The following HSD17B12 variants were observed in gnomAD, a reference collection of about 807,000 sequenced individuals.
HSD17B12 encodes the protein very-long-chain 3-oxoacyl-CoA reductase.
A neutral mutation model predicts 39.3 loss-of-function variants in HSD17B12; 32 were observed. The ratio of observed to expected loss-of-function variants is 0.81; its 90% CI spans 0.61 to 1.09. The LOEUF (loss-of-function observed/expected upper bound fraction) is 1.09, where lower values mean the gene tolerates loss of function less well. Among genes scored for constraint, HSD17B12 ranks in the 50% least tolerant of loss-of-function variants. HSD17B12 has a pLI of 0.00. For missense variants in HSD17B12, 342 were observed against 382.9 expected (o/e 0.89, Z 0.89); for synonymous variants, 150 against 146.7 (o/e 1.02, Z -0.16).
chr11:43,773,310 C>A (rs935481768), intron 3 of HSD17B12, among the ~76,000 whole-genome samples: 3 of 152,136 alleles, frequency 2.0e-5, no homozygotes, highest in Non-Finnish European at 4.4e-5. Context: ...GTGGTGTGAT[C>A]ATAGCTCACT....
chr11:43,658,335 G>A, the HSD17B12 span, among the ~76,000 whole-genome samples: 1 of 151,950 alleles, frequency 6.6e-6, no homozygotes, highest in Non-Finnish European at 1.5e-5. Context: ...CCATTGGTTC[G>A]AACTTCCTCC....
the HSD17B12 span, among the ~76,000 whole-genome samples, chr11:43,596,907 C>T: frequency 6.6e-6 from 1 of 152,230 alleles, no homozygotes; most frequent in Non-Finnish European, 1.5e-5. Context: ...ACATCAGTCT[C>T]TCTCCTCTTC....
the HSD17B12 span, among the ~76,000 whole-genome samples, chr11:43,591,671 G>T: frequency 6.6e-6 from 1 of 151,744 alleles, no homozygotes; most frequent in Non-Finnish European, 1.5e-5. Context: ...TTGTTTCTTT[G>T]TGAACTACCT....
chr11:43,731,348 T>C (rs1463212718), intron 1 of HSD17B12, among the ~76,000 whole-genome samples: 2 of 152,228 alleles, frequency 1.3e-5, no homozygotes, highest in African/African-American at 4.8e-5. Context: ...TAATCTACAT[T>C]AGACCTTCCC....
intron 3 of HSD17B12, among the ~76,000 whole-genome samples, chr11:43,784,308 T>TATC (rs1345677398): frequency 1.6e-5 from 1 of 61,214 alleles, no homozygotes; most frequent in African/African-American, 4.4e-5. Context: ...TTGATATTAT[T>TATC]ATTATTATTA....
At chr11:43,756,157 G>A (rs767444272) in intron 3 of HSD17B12, among the ~76,000 whole-genome samples, 16 of 151,728 alleles carry the variant, frequency 1.1e-4, no homozygotes, top group Non-Finnish European at 2.2e-4. Context: ...TTTGGATGGG[G>A]ACACAGCCAA....
intron 9 of HSD17B12, among the ~76,000 whole-genome samples, chr11:43,843,772 G>C (rs1951448913): frequency 6.6e-6 from 1 of 152,112 alleles, no homozygotes; most frequent in Admixed American, 6.5e-5. Flanking sequence ...TGGCACATTT[G>C]GTTAGGCCTT....
chr11:43,830,949 A>G, intron 6 of HSD17B12, 27 bp from the exon 7 acceptor site: 1 of 1,602,128 alleles, frequency 6.2e-7, no homozygotes, highest in Non-Finnish European at 8.5e-7. Flanking sequence ...CTTGGCCATC[A>G]TGAATGTTTT....
Position 43,855,342 on chromosome 11 carries a change from AT to A in HSD17B12, c.*97del, listed in dbSNP as rs1565114895. Reference sequence around the variant, plus strand: ...CTGGTTTTGAAAATCTGACCTTGTCATTTCAATAGTTATTAACATGACTAAA... The same window carrying A: ...CTGGTTTTGAAAATCTGACCTTGTCATTCAATAGTTATTAACATGACTAAA... On this transcript the variant is annotated 3_prime_UTR_variant, in exon 11 of 11. Coordinates refer to ENST00000278353, the MANE Select transcript of HSD17B12 (RefSeq NM_016142.3). The A allele has an allele frequency of 3.1e-6, 2 of 646,302 alleles. No homozygotes were observed. The highest frequency in any genetic ancestry group is 5.2e-6 in the Non-Finnish European group (2 of 383,360). 40.0% of individuals were successfully genotyped at this position (646,302 alleles called of 1,614,324 possible). A position where few individuals can be genotyped will look rare whatever the true frequency, so the allele number is the denominator to read the frequency against.
chr11:43,582,282 C>T, the HSD17B12 span, among the ~76,000 whole-genome samples: 2 of 152,202 alleles, frequency 1.3e-5, no homozygotes, highest in South Asian at 2.1e-4. Flanking sequence ...GAAGCAGCAG[C>T]AGCAGCAGCA....
At chr11:43,658,584 T>C in the HSD17B12 span, among the ~76,000 whole-genome samples, 1 of 152,190 alleles carries the variant, frequency 6.6e-6, no homozygotes, top group African/African-American at 2.4e-5. Context: ...GTAGATGTCC[T>C]TTCTGTTTGT....
At chr11:43,755,202 G>A (rs940980874) in intron 3 of HSD17B12, 6 of 221,142 alleles carry the variant, frequency 2.7e-5, no homozygotes, top group Non-Finnish European at 2.6e-5. Context: ...TAAGTTGAAT[G>A]CTCTAAAAAA....
At chr11:43,561,975 T>C in the HSD17B12 span, among the ~76,000 whole-genome samples, 4 of 152,206 alleles carry the variant, frequency 2.6e-5, no homozygotes, top group Non-Finnish European at 5.9e-5. Context: ...AGCTATGAAT[T>C]TGGCATCAAA....
At chr11:43,567,912 C>A in the HSD17B12 span, among the ~76,000 whole-genome samples, 1 of 152,114 alleles carries the variant, frequency 6.6e-6, no homozygotes, top group East Asian at 1.9e-4. Context: ...CCCTTAGTGA[C>A]CCTCATAATT....
chr11:43,653,067 A>T, the HSD17B12 span, among the ~76,000 whole-genome samples: 1 of 151,976 alleles, frequency 6.6e-6, no homozygotes, highest in African/African-American at 2.4e-5. Context: ...GGGAGATTAG[A>T]GTCCTGCCTT....
intron 1 of HSD17B12, among the ~76,000 whole-genome samples, chr11:43,735,532 AT>A (rs1950308816): frequency 6.6e-6 from 1 of 152,192 alleles, no homozygotes; most frequent in African/African-American, 2.4e-5. Context: ...CCTGTTGGCC[AT>A]TTGTATATCC....
the HSD17B12 span, among the ~76,000 whole-genome samples, chr11:43,648,578 A>T: frequency 6.6e-6 from 1 of 152,246 alleles, no homozygotes; most frequent in Admixed American, 6.5e-5. Context: ...TTAGGACAGT[A>T]TAAGGAGAAA....
chr11:43,847,250 C>T (rs998833087), intron 9 of HSD17B12, among the ~76,000 whole-genome samples: 1 of 152,178 alleles, frequency 6.6e-6, no homozygotes, highest in East Asian at 1.9e-4. Context: ...GGGACACCAT[C>T]CCCTGAGGTT....
At chr11:43,804,676 C>A (rs984312720) in intron 4 of HSD17B12, among the ~76,000 whole-genome samples, 3 of 152,104 alleles carry the variant, frequency 2.0e-5, no homozygotes, top group Non-Finnish European at 4.4e-5. Flanking sequence ...TTTGGGGAAG[C>A]AATTGTGTTG....
Sources: gnomAD v4.1 joint callset for allele counts (sites outside exome capture counted in the v4.1 genomes callset) on GRCh38, gnomAD v4.1.1 for gene constraint, MANE v1.5 for transcripts, NCBI Gene and HGNC (gene_info 2026-07-23, HGNC 2026-07-21) for gene names.